CACNA1B: variants seen among roughly 807,000 people sequenced by gnomAD.
The protein encoded by CACNA1B is calcium voltage-gated channel subunit alpha1 B, also known as voltage-dependent N-type calcium channel subunit alpha-1B.
In CACNA1B, 70 loss-of-function variants were observed where a neutral mutation model predicts 247.2. The observed-to-expected ratio is 0.28, with a 90% CI of 0.23 to 0.35. CACNA1B has a LOEUF of 0.35. Among genes scored for constraint, CACNA1B ranks in the 10% least tolerant of loss-of-function variants. CACNA1B has a pLI of 1.00. For missense variants in CACNA1B, 2,367 were observed against 3,197.4 expected (o/e 0.74, Z 6.26); for synonymous variants, 1,231 against 1,294.4 (o/e 0.95, Z 1.05).
At chr9:138,091,094 A>G (rs1288033747) in intron 36 of CACNA1B, among the ~76,000 whole-genome samples, 1 of 152,180 alleles carries the variant, frequency 6.6e-6, no homozygotes, top group Non-Finnish European at 1.5e-5. Flanking sequence ...TCTCATGTTT[A>G]TTGCCATACT....
intron 37 of CACNA1B, 141 bp downstream of exon 37, chr9:138,096,752 G>A (rs771356785): frequency 1.6e-5 from 11 of 697,554 alleles, no homozygotes; most frequent in Admixed American, 3.1e-5. Flanking sequence ...GTCCTGTTTC[G>A]TGTAGAGCAG....
At chr9:137,931,213 A>T (rs966579607) in intron 6 of CACNA1B, among the ~76,000 whole-genome samples, 1 of 152,200 alleles carries the variant, frequency 6.6e-6, no homozygotes, top group Non-Finnish European at 1.5e-5. Context: ...ACAAAAGTAC[A>T]TTCCATAGTG....
intron 31 of CACNA1B, among the ~76,000 whole-genome samples, chr9:138,063,853 G>A (rs577867036): frequency 1.3e-5 from 2 of 152,278 alleles, no homozygotes; most frequent in South Asian, 2.1e-4. Context: ...ATTCGAGGTG[G>A]CACTAACCTC....
rs1372664983 is a variant in CACNA1B at position 137,973,721 on chromosome 9, G to C, written c.1543+2129G>C. Among the ~76,000 whole-genome samples, 1 of 152,186 alleles carries C rather than the reference G, an allele frequency of 6.6e-6. No homozygotes were observed. The highest frequency in any genetic ancestry group is 1.5e-5 in the Non-Finnish European group (1 of 68,036). On this transcript the variant is annotated intron_variant, in intron 11 of 46. Transcript: ENST00000371372. The surrounding 1 kb of genome is among the most constrained non-coding windows in gnomAD (Gnocchi z 4.1). ...AAAACAGCACCAGTGCCTGCTGGTA[G>C]GATGCATGATACAAGAGTGTACGAA...
chr9:137,910,793 G>T (rs1280347810), intron 3 of CACNA1B, among the ~76,000 whole-genome samples: 2 of 152,200 alleles, frequency 1.3e-5, no homozygotes, highest in African/African-American at 4.8e-5. Context: ...CTCCTGCAGA[G>T]TGGCCTGATT....
intron 31 of CACNA1B, among the ~76,000 whole-genome samples, chr9:138,063,981 C>T (rs911228717): frequency 2.0e-5 from 3 of 152,108 alleles, no homozygotes; most frequent in Admixed American, 6.5e-5. Flanking sequence ...GTGGTGGGTT[C>T]GGCCAGTTAG....
rs773421788 is a variant in CACNA1B, at chr9:138,121,852, C to T, written c.6873C>T (p.Ser2291=). 7.4e-6 allele frequency: 12 copies of T among 1,613,344 alleles called. No homozygotes were observed. Among genetic ancestry groups the T allele is most frequent in the Middle Eastern group, 3.3e-4 (2 of 6,084 alleles). ...CTGTGGCCACCAACTCGGGCCGCTCCTCCAGGACTTCCTACGTGTCCTCCC... is the reference window on the plus strand; with the variant it reads ...CTGTGGCCACCAACTCGGGCCGCTCTTCCAGGACTTCCTACGTGTCCTCCC... ...EEAVATNSGR[S]SRTSYVSSLT... The change falls in exon 47 of 47, where the codon TCC becomes TCT. Residue 2291 remains serine (S), a synonymous_variant. Transcript: ENST00000371372. The surrounding 1 kb of genome is among the most constrained non-coding windows in gnomAD (Gnocchi z 6.8).
At position 138,051,389 on chromosome 9, in the gene CACNA1B, G is replaced by A. The variant is rs573862016; in HGVS notation, c.3711-703G>A. 3.3e-5 allele frequency among the ~76,000 whole-genome samples: 5 copies of A among 151,724 alleles called. No individual in the cohort carries two copies. Among genetic ancestry groups the A allele is most frequent in the Admixed American group, 6.6e-5 (1 of 15,248 alleles). ...CCCGACTTCCTGCCTTGCCGTCCCT[G>A]CTCTGCATGAGTTTTCCTGTCTGCT... On this transcript the variant is annotated intron_variant, in intron 24 of 46. Transcript: ENST00000371372. The surrounding 1 kb of genome is among the most constrained non-coding windows in gnomAD (Gnocchi z 4.3).
intron 31 of CACNA1B, among the ~76,000 whole-genome samples, chr9:138,068,124 GGCA>G (rs1417196170): frequency 1.3e-5 from 2 of 152,136 alleles, no homozygotes; most frequent in African/African-American, 4.8e-5. Context: ...GAAGCCTGCG[GGCA>G]GCCTGATCCC....
intron 31 of CACNA1B, among the ~76,000 whole-genome samples, chr9:138,063,218 G>A (rs570858602): frequency 5.3e-5 from 8 of 151,942 alleles, no homozygotes; most frequent in Non-Finnish European, 8.8e-5. Context: ...TCTTGGGCAG[G>A]CACAGTGGCC....
chr9:137,891,947 T>A lies in CACNA1B; in HGVS notation c.530+9064T>A, dbSNP rs1455958933. ...GGGCTGGGCAGGCCCTTCTAGCCAA[T>A]GCCACCCTCCCTGTCTCCCCTGAGA... On this transcript the variant is annotated intron_variant, in intron 3 of 46. Coordinates refer to ENST00000371372, the MANE Select transcript of CACNA1B (RefSeq NM_000718.4). This position sits in a 1 kb window ranked among gnomAD's most constrained non-coding sequence, Gnocchi z 4.3. The A allele has an allele frequency of 2.4e-6, 1 of 423,666 alleles. No individual in the cohort carries two copies. The highest frequency in any genetic ancestry group is 1.7e-5 in the South Asian group (1 of 57,984). 26.2% of individuals were successfully genotyped at this position (423,666 alleles called of 1,614,324 possible).
chr9:137,909,109 G>C (rs1397726363), intron 3 of CACNA1B, among the ~76,000 whole-genome samples: 6 of 151,218 alleles, frequency 4.0e-5, no homozygotes, highest in African/African-American at 1.5e-4. Context: ...TCCCACCTCA[G>C]CCTCCCGAGT....
At chr9:137,878,706 G>T (rs1046351344) in intron 1 of CACNA1B, among the ~76,000 whole-genome samples, 3 of 152,130 alleles carry the variant, frequency 2.0e-5, no homozygotes, top group Non-Finnish European at 4.4e-5. Flanking sequence ...GTGCGCCTGC[G>T]CGGGGTCTCC....
intron 39 of CACNA1B, among the ~76,000 whole-genome samples, chr9:138,112,126 C>CATGCACACACATGCGT (rs1315062599): frequency 1.6e-4 from 25 of 152,226 alleles, no homozygotes; most frequent in Non-Finnish European, 3.1e-4. Flanking sequence ...AGTGCACATG[C>CATGCACACACATGCGT]ATGCACACAC....
chr9:138,046,655 C>T (rs920183993), intron 21 of CACNA1B, among the ~76,000 whole-genome samples: 6 of 152,250 alleles, frequency 3.9e-5, no homozygotes, highest in African/African-American at 1.2e-4. Context: ...GGTTTGTTGA[C>T]CCCTGCCATG....
At chr9:137,947,590 A>G (rs1957811548) in intron 6 of CACNA1B, among the ~76,000 whole-genome samples, 1 of 152,058 alleles carries the variant, frequency 6.6e-6, no homozygotes, top group African/African-American at 2.4e-5. Flanking sequence ...CTTTCTGTTT[A>G]GAGACCTTTC....
At chr9:138,095,329 G>A (rs1013747646) in intron 36 of CACNA1B, among the ~76,000 whole-genome samples, 10 of 152,172 alleles carry the variant, frequency 6.6e-5, no homozygotes, top group Admixed American at 1.3e-4. Flanking sequence ...AAAAAGATAT[G>A]CAAATGGCAA....
At chr9:137,898,520 T>G (rs1333069693) in intron 3 of CACNA1B, among the ~76,000 whole-genome samples, 1 of 152,068 alleles carries the variant, frequency 6.6e-6, no homozygotes. Flanking sequence ...TCTTTTTATT[T>G]TTTGAGACAG....
rs1394735055 is a variant in CACNA1B at position 138,007,184 on chromosome 9, C to T, written c.2092+300C>T. On this transcript the variant is annotated intron_variant, in intron 16 of 46. Coordinates refer to ENST00000371372, the MANE Select transcript of CACNA1B (RefSeq NM_000718.4). The surrounding 1 kb of genome is among the most constrained non-coding windows in gnomAD (Gnocchi z 4.1). ...AGCAGCAGTCGGGGAGCCTCACACT[C>T]TGGGCAGGTGGGTTTTTGTTTTCAC... Among the ~76,000 whole-genome samples, 1 of 152,208 alleles carries T rather than the reference C, an allele frequency of 6.6e-6. No homozygotes were observed. The highest frequency in any genetic ancestry group is 2.4e-5 in the African/African-American group (1 of 41,448).
Sources: allele counts gnomAD v4.1 joint callset (sites outside exome capture counted in the v4.1 genomes callset), GRCh38; gene constraint gnomAD v4.1.1; non-coding constraint Gnocchi (gnomAD v3.1); transcripts MANE v1.5; gene names NCBI Gene and HGNC (gene_info 2026-07-23, HGNC 2026-07-21).